Variants in NDRG1 observed in about 807,000 individuals in gnomAD.
The protein encoded by NDRG1 is protein NDRG1.
In NDRG1, 32 loss-of-function variants were observed where a neutral mutation model predicts 56.9. That is an observed-to-expected ratio of 0.56 (90% CI 0.42 to 0.76). NDRG1 has a LOEUF of 0.76. Among genes scored for constraint, NDRG1 ranks in the 30% least tolerant of loss-of-function variants. The pLI, the probability that NDRG1 is intolerant of heterozygous loss-of-function variation, is 0.00. For synonymous variants in NDRG1, 211 were observed against 204.1 expected, an observed-to-expected ratio of 1.03 and a Z score of -0.29; for missense variants, 507 against 545.7, an observed-to-expected ratio of 0.93 and a Z score of 0.71.
At position 133,238,716 on chromosome 8, in the gene NDRG1, G is replaced by T; in HGVS notation, c.*162C>A. The T allele has an allele frequency of 3.4e-6, 3 of 892,216 alleles. No individual in the cohort carries two copies. The highest frequency in any genetic ancestry group is 5.0e-6 in the Non-Finnish European group (3 of 605,264). 55.3% of individuals were successfully genotyped at this position (892,216 alleles called of 1,614,324 possible). A position where few individuals can be genotyped will look rare whatever the true frequency, so the allele number is the denominator to read the frequency against. On this transcript the variant is annotated 3_prime_UTR_variant, in exon 16 of 16. Coordinates refer to ENST00000323851, the MANE Select transcript of NDRG1 (RefSeq NM_006096.4). ...CCCCGCCTTTGGAGAGGGCACCCAC[G>T]TAATAGACCTCATTTGTCTCCACCA... is the stretch of plus-strand genomic sequence containing the variant.
At chr8:133,249,882 TG>T (rs1455941879) in intron 10 of NDRG1, among the ~76,000 whole-genome samples, 9 of 152,246 alleles carry the variant, frequency 5.9e-5, no homozygotes, top group African/African-American at 2.2e-4. Flanking sequence ...CTCAGCAGGT[TG>T]AGCGAGCTCC....
At chr8:133,283,882 G>C (rs1175461644) in intron 2 of NDRG1, among the ~76,000 whole-genome samples, 1 of 152,208 alleles carries the variant, frequency 6.6e-6, no homozygotes, top group African/African-American at 2.4e-5. Context: ...TATAACCACA[G>C]AATGTTAGAG....
intron 10 of NDRG1, chr8:133,249,599 CCT>C (rs1855897478): frequency 6.5e-6 from 1 of 153,410 alleles, no homozygotes; most frequent in Admixed American, 6.5e-5. Context: ...GTGCTGGTTT[CCT>C]CTGTGTCTCC....
chr8:133,274,861 T>A (rs1184226006), intron 3 of NDRG1, among the ~76,000 whole-genome samples: 1 of 152,194 alleles, frequency 6.6e-6, no homozygotes, highest in Non-Finnish European at 1.5e-5. Context: ...AAGCCTCAGT[T>A]TCCTTATCTG....
intron 1 of NDRG1, among the ~76,000 whole-genome samples, chr8:133,292,887 T>G (rs1045393707): frequency 7.9e-5 from 12 of 152,182 alleles, no homozygotes; most frequent in African/African-American, 2.4e-4. Flanking sequence ...ACCAGCTCAG[T>G]TGCAAGAAAA....
chr8:133,238,858 G>A lies in NDRG1; in HGVS notation c.*20C>T. 6.5e-7 allele frequency: 1 copy of A among 1,546,582 alleles called. No individual in the cohort carries two copies. The highest frequency in any genetic ancestry group is 8.7e-7 in the Non-Finnish European group (1 of 1,148,150). On this transcript the variant is annotated 3_prime_UTR_variant, in exon 16 of 16. Transcript: ENST00000323851. ...CCACTACAGAGATCAGAGTCCGGGG[G>A]CGGCAGCTGGGCAGGCCGCCTAGCA...
chr8:133,254,805 T>A (rs1856281048), intron 8 of NDRG1: 1 of 598,388 alleles, frequency 1.7e-6, no homozygotes, highest in South Asian at 2.0e-5. Context: ...TGGGACTATA[T>A]CCAGTTCCTT....
At chr8:133,254,074 A>C (rs1325964233) in intron 9 of NDRG1, among the ~76,000 whole-genome samples, 1 of 106,348 alleles carries the variant, frequency 9.4e-6, no homozygotes, top group Non-Finnish European at 1.8e-5. Flanking sequence ...AAGAAGCCAG[A>C]CCAAAAAAAA....
At chr8:133,286,385 G>A (rs770801528) in intron 1 of NDRG1, among the ~76,000 whole-genome samples, 3 of 152,180 alleles carry the variant, frequency 2.0e-5, no homozygotes, top group Non-Finnish European at 2.9e-5. Context: ...GATCACATTA[G>A]GACATAGTGT....
intron 6 of NDRG1, 105 bp from the exon 7 acceptor site, chr8:133,258,531 G>A (rs776792423): frequency 3.9e-5 from 43 of 1,094,184 alleles, no homozygotes; most frequent in African/African-American, 6.2e-5. Flanking sequence ...TAGGCAATGC[G>A]GGAGCATGCT....
chr8:133,270,436 G>C (rs1857132421), intron 3 of NDRG1, among the ~76,000 whole-genome samples: 1 of 152,178 alleles, frequency 6.6e-6, no homozygotes, highest in Admixed American at 6.5e-5. Context: ...TGATAAAGTG[G>C]TCCCCTTCCT....
chr8:133,279,042 A>T, intron 3 of NDRG1, among the ~76,000 whole-genome samples: 1 of 152,146 alleles, frequency 6.6e-6, no homozygotes, highest in African/African-American at 2.4e-5. Context: ...GGTGCTTACC[A>T]CCATGCCTGG....
chr8:133,249,896 G>A (rs1855916531), intron 10 of NDRG1, among the ~76,000 whole-genome samples: 1 of 152,236 alleles, frequency 6.6e-6, no homozygotes, highest in Admixed American at 6.5e-5. Context: ...CGAGCTCCCT[G>A]GAAGATTACA....
At chr8:133,247,737 G>A (rs1190294195) in intron 12 of NDRG1, 138 bp downstream of exon 12, 6 of 928,680 alleles carry the variant, frequency 6.5e-6, no homozygotes. Flanking sequence ...CTGCCCAAAG[G>A]CCAATATGGC....
chr8:133,292,010 G>A (rs972991672), intron 1 of NDRG1, among the ~76,000 whole-genome samples: 9 of 152,146 alleles, frequency 5.9e-5, no homozygotes, highest in Non-Finnish European at 1.3e-4. Flanking sequence ...CAATACAACC[G>A]AGATCTTCCT....
At chr8:133,275,436 T>C (rs1857403787) in intron 3 of NDRG1, among the ~76,000 whole-genome samples, 1 of 152,178 alleles carries the variant, frequency 6.6e-6, no homozygotes, top group Non-Finnish European at 1.5e-5. Context: ...AATTTCAGAA[T>C]TCAGATCAGA....
At chr8:133,272,156 A>C (rs762430946) in intron 3 of NDRG1, among the ~76,000 whole-genome samples, 4 of 152,212 alleles carry the variant, frequency 2.6e-5, no homozygotes, top group Admixed American at 6.5e-5. Flanking sequence ...AAGAGAATTA[A>C]ACAAAGTTAC....
At chr8:133,248,575 G>A (rs899188055) in intron 11 of NDRG1, 140 bp downstream of exon 11, 8 of 1,055,870 alleles carry the variant, frequency 7.6e-6, no homozygotes, top group South Asian at 2.5e-5. Context: ...GCTGGGTAAT[G>A]CTCAGTCTCT....
intron 2 of NDRG1, 108 bp from the exon 3 acceptor site, chr8:133,280,375 T>C (rs994497942): frequency 1.9e-5 from 19 of 1,014,012 alleles, no homozygotes; most frequent in Non-Finnish European, 2.8e-5. Context: ...CTACACTTCC[T>C]CCTTTGTGGG....
Sources: allele counts gnomAD v4.1 joint callset (sites outside exome capture counted in the v4.1 genomes callset), GRCh38; gene constraint gnomAD v4.1.1; transcripts MANE v1.5; gene names NCBI Gene and HGNC (gene_info 2026-07-23, HGNC 2026-07-21).